The following ZNF578 variants were observed in gnomAD, a reference collection of about 807,000 sequenced individuals.
The protein encoded by ZNF578 is Putative chemokine-related protein B42.
A neutral mutation model predicts 8.3 loss-of-function variants in ZNF578; 8 were observed. The observed-to-expected ratio is 0.96, with a 90% CI of 0.56 to 1.74. The LOEUF is 1.74. Ranked by LOEUF, ZNF578 falls within the 40% of genes most tolerant of loss-of-function variation. The pLI is 0.00. For synonymous variants in ZNF578, 206 were observed against 232.2 expected, an observed-to-expected ratio of 0.89 and a Z score of 1.03; for missense variants, 726 against 707.5, an observed-to-expected ratio of 1.03 and a Z score of -0.30.
At chr19:52,465,170 T>C (rs1367431984) in intron 2 of ZNF578, among the ~76,000 whole-genome samples, 2 of 152,112 alleles carry the variant, frequency 1.3e-5, no homozygotes, top group Non-Finnish European at 2.9e-5. Flanking sequence ...CAGACAGTAG[T>C]AAACTGCAGG....
chr19:52,462,783 T>G (rs1183576729), intron 2 of ZNF578, among the ~76,000 whole-genome samples: 1 of 152,136 alleles, frequency 6.6e-6, no homozygotes, highest in African/African-American at 2.4e-5. Flanking sequence ...TCTTTGGAAT[T>G]TTGCTCATGG....
Position 52,511,888 on chromosome 19 carries a change from A to G in ZNF578, c.1507A>G (p.Arg503Gly), listed in dbSNP as rs760197139. The change falls in exon 6 of 6, where the codon AGA becomes GGA. Residue 503 changes from arginine (R) to glycine (G), a missense_variant. Physicochemically the swap from Arg to Gly is moderately radical, Grantham distance 125 (BLOSUM62 -2). Transcript: ENST00000421239. ...CAGGTCATCTCTTCCATGCCATCGT[A>G]GACTTCATAGTGGTGAGAAACCTTA... ...SHRSSLPCHR[R>G]LHSGEKPYKC... 6.2e-7 allele frequency: 1 copy of G among 1,613,674 alleles called. No homozygotes were observed. The highest frequency in any genetic ancestry group is 1.7e-4 in the Middle Eastern group (1 of 6,058).
Position 52,510,722 on chromosome 19 carries a change from A to C in ZNF578, c.341A>C (p.Glu114Ala), listed in dbSNP as rs1303731046. The C allele has an allele frequency of 6.2e-7, 1 of 1,612,810 alleles. No individual in the cohort carries two copies. The highest frequency in any genetic ancestry group is 1.3e-5 in the African/African-American group (1 of 74,808). ...ATTGAAAAAGATATTCATGACTTTG[A>C]GTTTCAGTCACAAAAAGATGAAAGA... The part of the protein sequence containing the change: ...QEIEKDIHDF[E>A]FQSQKDERNG... The change falls in exon 6 of 6, where the codon GAG (glutamate) becomes GCG (alanine). Residue 114 changes from glutamate to alanine, a missense_variant. Coordinates refer to ENST00000421239, the MANE Select transcript of ZNF578 (RefSeq NM_001099694.2).
rs577017918 is a variant in ZNF578, at chr19:52,495,316, G to A, written c.-20+3891G>A. Among the ~76,000 whole-genome samples the A allele has an allele frequency of 3.2e-4, 46 of 144,574 alleles. 2 individuals are homozygous for A. The highest frequency in any genetic ancestry group is 4.4e-4 in the South Asian group (2 of 4,556). The allele number at this position is 144,574 out of a possible 152,430, so 94.8% of individuals were successfully genotyped here. A position where few individuals can be genotyped will look rare whatever the true frequency, so the allele number is the denominator to read the frequency against. On this transcript the variant is annotated intron_variant, in intron 3 of 5. Coordinates refer to ENST00000421239, the MANE Select transcript of ZNF578 (RefSeq NM_001099694.2). ...TGAGTAGCTGGGATTACAGGCATGCGCCACCATGCCCCGCTAATTTTGGAT... is the reference window on the plus strand; with the variant it reads ...TGAGTAGCTGGGATTACAGGCATGCACCACCATGCCCCGCTAATTTTGGAT...
chr19:52,509,305 G>A (rs2059436291), intron 5 of ZNF578, among the ~76,000 whole-genome samples: 2 of 152,228 alleles, frequency 1.3e-5, no homozygotes, highest in South Asian at 2.1e-4. Flanking sequence ...TTGTGTGCTG[G>A]TGGTTAAGTA....
intron 2 of ZNF578, among the ~76,000 whole-genome samples, chr19:52,482,958 AAAAT>A (rs2059332155): frequency 6.6e-6 from 1 of 151,824 alleles, no homozygotes; most frequent in Non-Finnish European, 1.5e-5. Flanking sequence ...AAAAAAAAAA[AAAAT>A]AGCCAAGGAT....
chr19:52,506,462 CTT>C (rs35676968), intron 5 of ZNF578, among the ~76,000 whole-genome samples: 3 of 109,144 alleles, frequency 2.7e-5, no homozygotes, highest in African/African-American at 3.3e-5. Context: ...AGTACAGTTT[CTT>C]TTTTTTTTTT....
In ZNF578 at chr19:52,513,964, A is replaced by G. The variant is rs621469; in HGVS notation, c.*1810A>G. ...CACTTAAACCTGGGAGGTAGAGGTT[A>G]CAGCGAATCAAAACCGTGCCACTGT... On this transcript the variant is annotated 3_prime_UTR_variant, in exon 6 of 6. Transcript: ENST00000421239. 0.62 allele frequency among the ~76,000 whole-genome samples: 94,737 copies of G among 151,782 alleles called. 30,266 individuals are homozygous for G. The highest frequency in any genetic ancestry group is 0.75 in the African/African-American group (31,226 of 41,380).
chr19:52,505,801 A>G (rs548711629), intron 5 of ZNF578, among the ~76,000 whole-genome samples: 29 of 152,132 alleles, frequency 1.9e-4, no homozygotes, highest in African/African-American at 5.8e-4. Flanking sequence ...GTTTTCATCA[A>G]TCTTATTTAG....
chr19:52,487,171 CA>C (rs199860227), intron 2 of ZNF578, among the ~76,000 whole-genome samples: 5 of 146,346 alleles, frequency 3.4e-5, no homozygotes, highest in East Asian at 2.0e-4. Flanking sequence ...CCATCTCTGC[CA>C]AAAAAAAAAT....
intron 3 of ZNF578, among the ~76,000 whole-genome samples, chr19:52,499,009 G>A (rs576734643): frequency 1.3e-5 from 2 of 152,278 alleles, no homozygotes; most frequent in East Asian, 3.9e-4. Context: ...AGAGGAGGAA[G>A]ACCAAGGCAG....
intron 2 of ZNF578, among the ~76,000 whole-genome samples, chr19:52,470,961 C>G (rs186542613): frequency 6.6e-6 from 1 of 152,274 alleles, no homozygotes; most frequent in African/African-American, 2.4e-5. Context: ...CCATCTTCCT[C>G]TTTGTGCTAC....
At chr19:52,471,384 C>G (rs1025109700) in intron 2 of ZNF578, among the ~76,000 whole-genome samples, 7 of 152,148 alleles carry the variant, frequency 4.6e-5, no homozygotes, top group African/African-American at 1.7e-4. Context: ...CCGGTTCTCC[C>G]TAATAAACTC....
At chr19:52,510,298 G>A (rs1257448890) in intron 5 of ZNF578, among the ~76,000 whole-genome samples, 2 of 152,086 alleles carry the variant, frequency 1.3e-5, no homozygotes, top group Non-Finnish European at 2.9e-5. Flanking sequence ...TAGGGTCACA[G>A]TGGAAAAATA....
chr19:52,500,310 G>T (rs1384327696), intron 3 of ZNF578, among the ~76,000 whole-genome samples: 1 of 152,118 alleles, frequency 6.6e-6, no homozygotes, highest in Non-Finnish European at 1.5e-5. Flanking sequence ...CTGGGAAGGT[G>T]GGAGAACTTT....
At chr19:52,478,650 C>T (rs559631929) in intron 2 of ZNF578, among the ~76,000 whole-genome samples, 1 of 152,138 alleles carries the variant, frequency 6.6e-6, no homozygotes, top group South Asian at 2.1e-4. Context: ...GAACAAAACT[C>T]CAAGTGGAGA....
rs2059473419 is a variant in ZNF578, at chr19:52,515,948, T to C, written c.*3794T>C. On this transcript the variant is annotated 3_prime_UTR_variant, in exon 6 of 6. Transcript: ENST00000421239. ...GGGAACCCTCCACCGGCTTCCCGTGTTCCCCAGGACAAAAGCCCAACCCCT... is the reference window on the plus strand; with the variant it reads ...GGGAACCCTCCACCGGCTTCCCGTGCTCCCCAGGACAAAAGCCCAACCCCT... Among the ~76,000 whole-genome samples the C allele has an allele frequency of 2.0e-5, 3 of 152,120 alleles. No individual in the cohort carries two copies. Among genetic ancestry groups the C allele is most frequent in the Admixed American group, 2.0e-4 (3 of 15,270 alleles).
At chr19:52,488,986 T>G (rs1201709282) in intron 2 of ZNF578, among the ~76,000 whole-genome samples, 1 of 151,444 alleles carries the variant, frequency 6.6e-6, no homozygotes, top group Non-Finnish European at 1.5e-5. Context: ...TTTCAGCTAC[T>G]CCAGAGGCTG....
chr19:52,489,210 A>C (rs1028394611), intron 2 of ZNF578, among the ~76,000 whole-genome samples: 1 of 151,890 alleles, frequency 6.6e-6, no homozygotes, highest in Non-Finnish European at 1.5e-5. Flanking sequence ...TCATGCCACA[A>C]TAGTGCAGCC....
Sources: gnomAD v4.1 joint callset for allele counts (sites outside exome capture counted in the v4.1 genomes callset) on GRCh38, gnomAD v4.1.1 for gene constraint, MANE v1.5 for transcripts, NCBI Gene and HGNC (gene_info 2026-07-23, HGNC 2026-07-21) for gene names.